SENP7: variants seen among roughly 807,000 people sequenced by gnomAD.
SENP7 encodes SUMO specific peptidase 7.
In SENP7, 64 loss-of-function variants were observed where a neutral mutation model predicts 141.2. That is an observed-to-expected ratio of 0.45 (90% CI 0.37 to 0.56). The LOEUF (loss-of-function observed/expected upper bound fraction) is 0.56, where lower values mean the gene tolerates loss of function less well. SENP7 is among the 20% of genes least tolerant of loss of function. The pLI is 0.00. For missense variants in SENP7, 1,025 were observed against 1,212.2 expected, an observed-to-expected ratio of 0.85 and a Z score of 2.29; for synonymous variants, 382 against 426.4, an observed-to-expected ratio of 0.90 and a Z score of 1.28.
intron 2 of SENP7, among the ~76,000 whole-genome samples, chr3:101,494,532 T>C (rs1168786580): frequency 2.0e-5 from 3 of 152,092 alleles, no homozygotes; most frequent in Non-Finnish European, 4.4e-5. Context: ...CAGATTCTTG[T>C]CAAAATTACT....
chr3:101,453,004 C>T (rs1293114243), intron 4 of SENP7, among the ~76,000 whole-genome samples: 1 of 152,000 alleles, frequency 6.6e-6, no homozygotes, highest in Non-Finnish European at 1.5e-5. Flanking sequence ...ACAATAAACT[C>T]AAACAAATTT....
At chr3:101,364,321 C>A (rs1248773333) in intron 10 of SENP7, among the ~76,000 whole-genome samples, 1 of 152,084 alleles carries the variant, frequency 6.6e-6, no homozygotes, top group Non-Finnish European at 1.5e-5. Context: ...CTGAATTAAT[C>A]GACTGATATT....
intron 5 of SENP7, chr3:101,414,150 T>A: frequency 2.0e-6 from 1 of 510,852 alleles, no homozygotes; most frequent in Non-Finnish European, 3.5e-6. Flanking sequence ...GAACAGATCC[T>A]TTAAAAGACA....
At chr3:101,388,269 C>T (rs566553756) in intron 6 of SENP7, among the ~76,000 whole-genome samples, 3 of 152,282 alleles carry the variant, frequency 2.0e-5, no homozygotes, top group South Asian at 4.1e-4. Flanking sequence ...CTGCCACCAC[C>T]ACCACAGGTA....
intron 7 of SENP7, among the ~76,000 whole-genome samples, chr3:101,371,288 G>GT (rs1194180075): frequency 2.0e-5 from 3 of 152,126 alleles, no homozygotes; most frequent in African/African-American, 7.2e-5. Flanking sequence ...GGGTGACAGA[G>GT]TGAGGCCCTG....
chr3:101,463,398 C>CATATATATATATATATATATATACACAT (rs1257100584), intron 3 of SENP7, among the ~76,000 whole-genome samples: 1 of 58,694 alleles, frequency 1.7e-5, no homozygotes, highest in African/African-American at 6.1e-5. Flanking sequence ...TATATATATA[C>CATATATATATATATATATATATACACAT]ATATATATAT....
chr3:101,465,014 C>T (rs1326790850), intron 3 of SENP7, among the ~76,000 whole-genome samples: 3 of 152,172 alleles, frequency 2.0e-5, no homozygotes, highest in Non-Finnish European at 4.4e-5. Context: ...CCACTACTGG[C>T]ACCCACACAT....
intron 6 of SENP7, among the ~76,000 whole-genome samples, chr3:101,388,722 C>T (rs1367699634): frequency 6.7e-6 from 1 of 149,254 alleles, no homozygotes; most frequent in Non-Finnish European, 1.5e-5. Context: ...TATAAGAGAA[C>T]ACAAATAAAT....
chr3:101,483,961 C>A (rs936457760), intron 3 of SENP7, among the ~76,000 whole-genome samples: 1 of 151,924 alleles, frequency 6.6e-6, no homozygotes. Flanking sequence ...CAGGAGACGG[C>A]GGTTGCAGTA....
chr3:101,493,957 C>A lies in SENP7; in HGVS notation c.102G>T (p.Met34Ile). Residue 34 changes from methionine to isoleucine, a missense_variant, in exon 3 of 24, where the codon ATG (methionine) becomes ATT (isoleucine). Met to Ile is a conservative substitution (Grantham distance 10). Transcript: ENST00000394095. ...GGACATCCTCTGGTTTTGCATTTAA[C>A]ATCTTTCTTATCTGAAAATAGGATG... The part of the protein sequence containing the change: ...SSSDLSEIRK[M>I]LNAKPEDVHV... 1 of 1,603,062 alleles carries A rather than the reference C, an allele frequency of 6.2e-7. No individual in the cohort carries two copies. The highest frequency in any genetic ancestry group is 8.5e-7 in the Non-Finnish European group (1 of 1,170,796).
intron 11 of SENP7, among the ~76,000 whole-genome samples, chr3:101,361,228 A>AG: frequency 1.3e-5 from 2 of 151,894 alleles, no homozygotes; most frequent in South Asian, 4.2e-4. Context: ...CCAAAAAAAA[A>AG]AAATAGAGAA....
intron 4 of SENP7, among the ~76,000 whole-genome samples, chr3:101,419,787 C>T (rs1306137134): frequency 6.6e-6 from 1 of 152,128 alleles, no homozygotes; most frequent in African/African-American, 2.4e-5. Flanking sequence ...GCATTAAGTG[C>T]TAATATTTAT....
chr3:101,509,349 A>G (rs1199833834), intron 1 of SENP7, among the ~76,000 whole-genome samples: 1 of 152,096 alleles, frequency 6.6e-6, no homozygotes, highest in Non-Finnish European at 1.5e-5. Context: ...CTACTAGTCT[A>G]CTAACCACTC....
chr3:101,399,743 A>C (rs2061078471), intron 5 of SENP7, among the ~76,000 whole-genome samples: 1 of 152,162 alleles, frequency 6.6e-6, no homozygotes, highest in Non-Finnish European at 1.5e-5. Context: ...CTCCTACCTC[A>C]GCCTCTTAAG....
chr3:101,445,316 C>T (rs528544281), intron 4 of SENP7, among the ~76,000 whole-genome samples: 2 of 152,180 alleles, frequency 1.3e-5, no homozygotes, highest in Non-Finnish European at 1.5e-5. Flanking sequence ...TTGACTGATG[C>T]TGTGAAAAAT....
chr3:101,367,776 G>C, intron 8 of SENP7, 54 bp downstream of exon 8: 1 of 1,182,918 alleles, frequency 8.5e-7, no homozygotes, highest in Non-Finnish European at 1.2e-6. Flanking sequence ...CAGTCAACTC[G>C]TTTTTATCAT....
In SENP7 at chr3:101,367,964, T is replaced by C. The variant is rs763616038; in HGVS notation, c.844A>G (p.Arg282Gly). 6.2e-7 allele frequency: 1 copy of C among 1,613,262 alleles called. No homozygotes were observed. The highest frequency in any genetic ancestry group is 8.5e-7 in the Non-Finnish European group (1 of 1,179,596). Residue 282 changes from arginine (R) to glycine (G), a missense_variant, in exon 8 of 24, where the codon AGA (arginine) becomes GGA (glycine). Around this residue, in one of 4 missense-constraint regions of SENP7, gnomAD observed 496 missense variants for 503.5 expected, o/e 0.99. Transcript: ENST00000394095. ...TCAGAATATTTAACATCCTTGTTTC[T>C]GCTTTCCTGTTCGAGATGATCACAA... is the stretch of plus-strand genomic sequence containing the variant. ...RGCDHLEQES[R>G]NKDVKYSDSK...
intron 17 of SENP7, among the ~76,000 whole-genome samples, chr3:101,333,891 G>A (rs1292136830): frequency 6.6e-6 from 1 of 152,122 alleles, no homozygotes; most frequent in Non-Finnish European, 1.5e-5. Flanking sequence ...TGGTTTTGTG[G>A]AAGACAATTT....
At chr3:101,347,052 AAAG>A in intron 13 of SENP7, among the ~76,000 whole-genome samples, 1 of 152,006 alleles carries the variant, frequency 6.6e-6, no homozygotes, top group South Asian at 2.1e-4. Flanking sequence ...AAAAAGGAAG[AAAG>A]AAGAAAGAAG....
Sources: allele counts gnomAD v4.1 joint callset (sites outside exome capture counted in the v4.1 genomes callset), GRCh38; gene constraint gnomAD v4.1.1; regional missense constraint gnomAD v4.1.1; transcripts MANE v1.5; gene names NCBI Gene and HGNC (gene_info 2026-07-23, HGNC 2026-07-21).